CPNE4: variants seen among roughly 807,000 people sequenced by gnomAD.
The protein encoded by CPNE4 is copine 4.
Under a neutral mutation model 67.9 loss-of-function variants are expected in CPNE4, and 25 were observed. That is an observed-to-expected ratio of 0.37 (90% CI 0.27 to 0.51). CPNE4 has a LOEUF of 0.51. CPNE4 is among the 20% of genes least tolerant of loss of function. CPNE4 has a pLI of 0.93. For synonymous variants in CPNE4, 242 were observed against 244.9 expected (o/e 0.99, Z 0.11); for missense variants, 464 against 690.8 (o/e 0.67, Z 3.68).
chr3:132,021,411 A>G (rs1253849187), intron 1 of CPNE4, among the ~76,000 whole-genome samples: 1 of 149,700 alleles, frequency 6.7e-6, no homozygotes, highest in Admixed American at 6.8e-5. Context: ...AACCCTATAT[A>G]TGTTTCCTAT....
At chr3:131,785,332 G>A (rs1560305650) in intron 2 of CPNE4, among the ~76,000 whole-genome samples, 1 of 151,914 alleles carries the variant, frequency 6.6e-6, no homozygotes, top group Non-Finnish European at 1.5e-5. Flanking sequence ...GGCTTCCTTT[G>A]TTTCCAACAC....
chr3:131,844,938 A>G (rs7610727), intron 2 of CPNE4, among the ~76,000 whole-genome samples: 16,733 of 152,224 alleles, frequency 0.11, 989 homozygotes, highest in East Asian at 0.21. Flanking sequence ...TGCAATTACT[A>G]TGAGCTATGA....
chr3:131,942,052 A>C (rs1583485654), intron 1 of CPNE4, among the ~76,000 whole-genome samples: 1 of 152,180 alleles, frequency 6.6e-6, no homozygotes, highest in East Asian at 1.9e-4. Flanking sequence ...TTTATCAAAA[A>C]ACTATAGTTA....
intron 3 of CPNE4, among the ~76,000 whole-genome samples, chr3:131,711,046 TATC>T (rs1401373552): frequency 2.2e-4 from 34 of 152,182 alleles, no homozygotes; most frequent in South Asian, 2.1e-4. Flanking sequence ...TGAAAATGAT[TATC>T]ATCAAGTGGT....
chr3:132,039,556 C>G (rs557063661), upstream of CPNE4: 1 of 152,170 alleles, frequency 6.6e-6, no homozygotes, highest in Non-Finnish European at 1.5e-5. Flanking sequence ...ACTGAAAAAG[C>G]GTGTGTCTTT....
chr3:131,804,613 G>A (rs35153614), intron 2 of CPNE4, among the ~76,000 whole-genome samples: 36,309 of 152,038 alleles, frequency 0.24, 4,624 homozygotes, highest in East Asian at 0.34. Flanking sequence ...CTGCTGAAAA[G>A]GTATCGTGTA....
chr3:131,763,832 C>G (rs1227056599), intron 2 of CPNE4, among the ~76,000 whole-genome samples: 1 of 152,042 alleles, frequency 6.6e-6, no homozygotes, highest in Non-Finnish European at 1.5e-5. Context: ...ATGTCTAAAG[C>G]AGAATTTTCT....
chr3:132,026,453 A>T (rs1030842452), intron 1 of CPNE4, among the ~76,000 whole-genome samples: 2 of 152,198 alleles, frequency 1.3e-5, no homozygotes, highest in African/African-American at 4.8e-5. Flanking sequence ...AGAAGCAAAG[A>T]TCTTATGAAG....
chr3:132,036,290 GTCAATCGTTGT>G (rs2074336626), upstream of CPNE4, among the ~76,000 whole-genome samples: 4 of 152,106 alleles, frequency 2.6e-5, no homozygotes, highest in Admixed American at 6.6e-5. Context: ...CTATGCATAA[GTCAATCGTTGT>G]GACCTTTGGA....
intron 1 of CPNE4, among the ~76,000 whole-genome samples, chr3:131,928,580 T>C (rs2107825163): frequency 6.6e-6 from 1 of 152,210 alleles, no homozygotes; most frequent in South Asian, 2.1e-4. Flanking sequence ...TAAAAACCAT[T>C]CCCAACTCTA....
intron 2 of CPNE4, among the ~76,000 whole-genome samples, chr3:131,759,329 A>C (rs2082832889): frequency 6.6e-6 from 1 of 152,156 alleles, no homozygotes; most frequent in South Asian, 2.1e-4. Context: ...CCCTCATCAG[A>C]ATCCTCATCA....
intron 3 of CPNE4, among the ~76,000 whole-genome samples, chr3:131,706,460 A>C (rs1348124009): frequency 1.3e-5 from 2 of 152,218 alleles, no homozygotes; most frequent in African/African-American, 4.8e-5. Context: ...TGAATGAGAA[A>C]ATTGAGGTAT....
rs1225709991 is a variant in CPNE4, at chr3:132,034,901, G to A, written c.-336C>T. 1.0e-6 allele frequency: 1 copy of A among 985,344 alleles called. No homozygotes were observed. The highest frequency in any genetic ancestry group is 1.2e-6 in the Non-Finnish European group (1 of 829,994). 61.0% of individuals were successfully genotyped at this position (985,344 alleles called of 1,614,324 possible). A position where few individuals can be genotyped will look rare whatever the true frequency, so the allele number is the denominator to read the frequency against. ...AAAGAGGAGGGTACTGAGAAAAGAG[G>A]GAGGGAGTGGAGTGGAGCGAGGGAG... On this transcript the variant is annotated 5_prime_UTR_variant, in exon 1 of 16. Coordinates refer to ENST00000429747, the MANE Select transcript of CPNE4 (RefSeq NM_130808.3).
At chr3:132,026,267 A>C (rs931627261) in intron 1 of CPNE4, among the ~76,000 whole-genome samples, 1 of 152,250 alleles carries the variant, frequency 6.6e-6, no homozygotes, top group Admixed American at 6.5e-5. Flanking sequence ...CTCTGGAGTC[A>C]TATCAAGAAG....
chr3:131,623,371 C>A (rs546082859), intron 7 of CPNE4, among the ~76,000 whole-genome samples: 5 of 152,116 alleles, frequency 3.3e-5, no homozygotes, highest in Non-Finnish European at 7.4e-5. Context: ...TTTAAATGTT[C>A]TATCTCCCCT....
chr3:131,627,887 T>C (rs1224609258), intron 7 of CPNE4, among the ~76,000 whole-genome samples: 4 of 152,292 alleles, frequency 2.6e-5, no homozygotes, highest in African/African-American at 9.6e-5. Context: ...AGAAAATAGT[T>C]TCTTGAGATG....
intron 7 of CPNE4, among the ~76,000 whole-genome samples, chr3:131,634,214 C>T (rs2079315809): frequency 6.6e-6 from 1 of 152,138 alleles, no homozygotes; most frequent in African/African-American, 2.4e-5. Flanking sequence ...AACATGCATA[C>T]TTATCCTTCA....
chr3:131,770,400 G>T (rs1045100708), intron 2 of CPNE4, among the ~76,000 whole-genome samples: 1 of 152,206 alleles, frequency 6.6e-6, no homozygotes, highest in South Asian at 2.1e-4. Flanking sequence ...GTCTAATTGC[G>T]GGTATAGTGA....
At chr3:131,648,051 C>T (rs2079710895) in intron 7 of CPNE4, among the ~76,000 whole-genome samples, 2 of 152,074 alleles carry the variant, frequency 1.3e-5, no homozygotes, top group African/African-American at 4.8e-5. Flanking sequence ...TTTTTCATTC[C>T]CTATCATTTC....
Sources: allele counts gnomAD v4.1 joint callset (sites outside exome capture counted in the v4.1 genomes callset), GRCh38; gene constraint gnomAD v4.1.1; transcripts MANE v1.5; gene names NCBI Gene and HGNC (gene_info 2026-07-23, HGNC 2026-07-21).